The following CTNNA1 variants were observed in gnomAD, a reference collection of about 807,000 sequenced individuals.
The protein encoded by CTNNA1 is catenin alpha-1.
In CTNNA1, 37 loss-of-function variants were observed where a neutral mutation model predicts 98.4. The ratio of observed to expected loss-of-function variants is 0.38; its 90% CI spans 0.29 to 0.49. CTNNA1 has a LOEUF of 0.49. Among genes scored for constraint, CTNNA1 ranks in the 20% least tolerant of loss-of-function variants. CTNNA1 has a pLI of 0.95. For missense variants in CTNNA1, 761 were observed against 1,147.2 expected, an observed-to-expected ratio of 0.66 and a Z score of 4.86; for synonymous variants, 404 against 413.2, an observed-to-expected ratio of 0.98 and a Z score of 0.27.
At chr5:138,815,514 T>A (rs1759347569) in intron 5 of CTNNA1, among the ~76,000 whole-genome samples, 1 of 152,070 alleles carries the variant, frequency 6.6e-6, no homozygotes, top group African/African-American at 2.4e-5. Flanking sequence ...TTGCTAAAAG[T>A]GATGGCATTC....
intron 1 of CTNNA1, among the ~76,000 whole-genome samples, chr5:138,755,867 TTTTTTTTTTTTTTG>T: frequency 7.9e-6 from 1 of 125,958 alleles, no homozygotes; most frequent in African/African-American, 3.3e-5. Context: ...TTTTTTTTTT[TTTTTTTTTTTTTTG>T]ATGGAGTCTC....
intron 7 of CTNNA1, among the ~76,000 whole-genome samples, chr5:138,862,913 C>G (rs1027907182): frequency 6.6e-6 from 1 of 152,226 alleles, no homozygotes; most frequent in African/African-American, 2.4e-5. Flanking sequence ...GCATTTCACT[C>G]TCTACACGTT....
chr5:138,776,715 G>C (rs1416503321), intron 1 of CTNNA1, among the ~76,000 whole-genome samples: 1 of 150,698 alleles, frequency 6.6e-6, no homozygotes, highest in East Asian at 2.0e-4. Flanking sequence ...GGCTGGCCGG[G>C]CAGAGGGGCT....
intron 16 of CTNNA1, 118 bp from the exon 17 acceptor site, chr5:138,932,460 T>A: frequency 6.8e-7 from 1 of 1,478,918 alleles, no homozygotes. Flanking sequence ...GTGATTTTGC[T>A]CCAGCAAGAG....
intron 7 of CTNNA1, among the ~76,000 whole-genome samples, chr5:138,854,292 A>G (rs980173213): frequency 6.6e-6 from 1 of 152,234 alleles, no homozygotes; most frequent in African/African-American, 2.4e-5. Flanking sequence ...AAGAGCAGTC[A>G]GTACAAGACT....
chr5:138,931,011 T>G, intron 16 of CTNNA1, 76 bp downstream of exon 16: 1 of 911,706 alleles, frequency 1.1e-6, no homozygotes, highest in South Asian at 1.3e-5. Context: ...CCATTCAGGG[T>G]AAGTTTCATG....
intron 13 of CTNNA1, 98 bp downstream of exon 13, chr5:138,925,505 G>A (rs939382402): frequency 2.1e-6 from 3 of 1,456,992 alleles, no homozygotes; most frequent in East Asian, 2.3e-5. Context: ...TGCGGTGGCA[G>A]TATATTAAAA....
chr5:138,858,293 AT>A (rs897001576), intron 7 of CTNNA1, among the ~76,000 whole-genome samples: 1 of 151,888 alleles, frequency 6.6e-6, no homozygotes, highest in Non-Finnish European at 1.5e-5. Context: ...TACCTGGTTA[AT>A]TTTTTTATTT....
chr5:138,873,078 A>G lies in CTNNA1; in HGVS notation c.1063-13134A>G. ...TGTCCATAACCATTAATGATGATGA[A>G]GGGTCCTTCATGGGTGGGTTCATAT... On this transcript the variant is annotated intron_variant, in intron 7 of 17. Transcript: ENST00000302763. This position sits in a 1 kb window ranked among gnomAD's most constrained non-coding sequence, Gnocchi z 6.1. 1 of 1,613,914 alleles carries G rather than the reference A, an allele frequency of 6.2e-7. No homozygotes were observed. The highest frequency in any genetic ancestry group is 8.5e-7 in the Non-Finnish European group (1 of 1,179,840).
chr5:138,775,714 CTTTTTT>C (rs750615535), intron 1 of CTNNA1, among the ~76,000 whole-genome samples: 1 of 82,528 alleles, frequency 1.2e-5, no homozygotes, highest in Non-Finnish European at 2.2e-5. Context: ...GGAAATATTT[CTTTTTT>C]TTTTTTTTTT....
chr5:138,893,652 C>A (rs1313310551), intron 9 of CTNNA1, among the ~76,000 whole-genome samples: 1 of 151,516 alleles, frequency 6.6e-6, no homozygotes, highest in East Asian at 1.9e-4. Flanking sequence ...GAGATGGAGT[C>A]TCTCTCTGTC....
chr5:138,777,411 C>T (rs1391597206), intron 1 of CTNNA1, among the ~76,000 whole-genome samples: 4 of 138,752 alleles, frequency 2.9e-5, no homozygotes, highest in African/African-American at 8.1e-5. Flanking sequence ...ACGTCCCAGA[C>T]GATGGGCGGC....
In CTNNA1 at chr5:138,873,685, A is replaced by G. The variant is rs1380224251; in HGVS notation, c.1063-12527A>G. 8 of 1,614,038 alleles carry G rather than the reference A, an allele frequency of 5.0e-6. No individual in the cohort carries two copies. Among genetic ancestry groups the G allele is most frequent in the Non-Finnish European group, 6.8e-6 (8 of 1,179,894 alleles). ...TCAGGGAGTTTAAGATCTTGGAATCAAGGCTGTTTAACTTGTTGTTATCCA... is the reference window on the plus strand; with the variant it reads ...TCAGGGAGTTTAAGATCTTGGAATCGAGGCTGTTTAACTTGTTGTTATCCA... On this transcript the variant is annotated intron_variant, in intron 7 of 17. Coordinates refer to ENST00000302763, the MANE Select transcript of CTNNA1 (RefSeq NM_001903.5). This position sits in a 1 kb window ranked among gnomAD's most constrained non-coding sequence, Gnocchi z 6.1.
chr5:138,932,837 C>G lies in CTNNA1; in HGVS notation c.2433+125C>G. 3 of 1,222,170 alleles carry G rather than the reference C, an allele frequency of 2.5e-6. No individual in the cohort carries two copies. In the East Asian group the frequency reaches 7.0e-5, roughly 28 times the overall value. The allele number at this position is 1,222,170 out of a possible 1,614,324, so 75.7% of individuals were successfully genotyped here. A position where few individuals can be genotyped will look rare whatever the true frequency, so the allele number is the denominator to read the frequency against. Reference sequence around the variant, plus strand: ...AGTGTGCTGTGCAGAAACTCCAAGTCCTGTCCCAGTCTCTGGAGACCAAGG... The same window carrying G: ...AGTGTGCTGTGCAGAAACTCCAAGTGCTGTCCCAGTCTCTGGAGACCAAGG... On this transcript the variant is annotated intron_variant, in intron 17 of 17. Coordinates refer to ENST00000302763, the MANE Select transcript of CTNNA1 (RefSeq NM_001903.5).
At chr5:138,769,541 A>T (rs1048648791) in intron 1 of CTNNA1, among the ~76,000 whole-genome samples, 18 of 149,582 alleles carry the variant, frequency 1.2e-4, no homozygotes, top group Admixed American at 4.0e-4. Flanking sequence ...ATTTTATTTT[A>T]TTTTTTTTGA....
At chr5:138,797,438 A>G (rs1363291974) in intron 3 of CTNNA1, among the ~76,000 whole-genome samples, 1 of 152,158 alleles carries the variant, frequency 6.6e-6, no homozygotes, top group Non-Finnish European at 1.5e-5. Flanking sequence ...TATATCTGCT[A>G]TTTAAAGTGG....
intron 7 of CTNNA1, among the ~76,000 whole-genome samples, chr5:138,842,799 A>G (rs28363426): frequency 0.026 from 3,964 of 152,312 alleles, 164 homozygotes; most frequent in African/African-American, 0.09. Context: ...TAAAAATCCA[A>G]TTTTAAAATT....
intron 7 of CTNNA1, among the ~76,000 whole-genome samples, chr5:138,830,833 G>T (rs1761207024): frequency 6.6e-6 from 1 of 152,174 alleles, no homozygotes; most frequent in African/African-American, 2.4e-5. Flanking sequence ...GTCATCATAG[G>T]TACAGCCAAA....
chr5:138,827,633 G>A lies in CTNNA1; in HGVS notation c.977G>A (p.Arg326His), dbSNP rs1454089908. The A allele has an allele frequency of 1.9e-6, 3 of 1,614,212 alleles. No homozygotes were observed. Among genetic ancestry groups the A allele is most frequent in the Non-Finnish European group, 2.5e-6 (3 of 1,180,046 alleles). ...AALMADSSCT[R>H]DDRRERIVAE... ...TTGATGGCCGACTCGTCCTGCACGC[G>A]TGATGACCGTCGTGAGCGAATTGTG... Residue 326 changes from arginine to histidine, a missense_variant, in exon 7 of 18, where the codon CGT (arginine) becomes CAT (histidine). By Grantham distance (29) the Arg-to-His change is conservative. Transcript: ENST00000302763.
Sources: gnomAD v4.1 joint callset for allele counts (sites outside exome capture counted in the v4.1 genomes callset) on GRCh38, gnomAD v4.1.1 for gene constraint, Gnocchi (gnomAD v3.1) non-coding constraint, MANE v1.5 for transcripts, NCBI Gene and HGNC (gene_info 2026-07-23, HGNC 2026-07-21) for gene names.